SPTLC3: variants seen among roughly 807,000 people sequenced by gnomAD.
SPTLC3 encodes serine palmitoyltransferase 3.
A neutral mutation model predicts 59.3 loss-of-function variants in SPTLC3; 36 were observed. The ratio of observed to expected loss-of-function variants is 0.61; its 90% CI spans 0.47 to 0.80. The LOEUF (loss-of-function observed/expected upper bound fraction) is 0.80, where lower values mean the gene tolerates loss of function less well. Among genes scored for constraint, SPTLC3 ranks in the 30% least tolerant of loss-of-function variants. The pLI, the probability that SPTLC3 is intolerant of heterozygous loss-of-function variation, is 0.00. For synonymous variants in SPTLC3, 257 were observed against 240.8 expected, an observed-to-expected ratio of 1.07 and a Z score of -0.62; for missense variants, 625 against 685.1, an observed-to-expected ratio of 0.91 and a Z score of 0.98.
intron 10 of SPTLC3, among the ~76,000 whole-genome samples, chr20:13,158,289 C>T (rs2038819376): frequency 6.6e-6 from 1 of 152,086 alleles, no homozygotes. Context: ...ATAAAATTTC[C>T]AGTGCAATCA....
intron 7 of SPTLC3, among the ~76,000 whole-genome samples, chr20:13,112,490 A>G (rs1990289273): frequency 6.6e-6 from 1 of 152,204 alleles, no homozygotes. Context: ...CCGATTCAAA[A>G]GAAGGTGAAA....
At chr20:13,049,169 A>C (rs1406009706) in intron 2 of SPTLC3, 39 bp downstream of exon 2, 1 of 1,599,670 alleles carries the variant, frequency 6.3e-7, no homozygotes, top group South Asian at 1.1e-5. Context: ...GTCAATGCCT[A>C]CTCCTCTCTA....
At chr20:13,069,325 C>T (rs537913745) in intron 2 of SPTLC3, among the ~76,000 whole-genome samples, 13 of 152,126 alleles carry the variant, frequency 8.5e-5, no homozygotes, top group South Asian at 2.1e-4. Flanking sequence ...CCTCATGGGC[C>T]GAGTGGGTGT....
At chr20:13,045,441 A>G (rs1987189386) in intron 1 of SPTLC3, among the ~76,000 whole-genome samples, 1 of 152,234 alleles carries the variant, frequency 6.6e-6, no homozygotes, top group Non-Finnish European at 1.5e-5. Flanking sequence ...GAAATTTTAT[A>G]TTTCAAAATA....
intron 9 of SPTLC3, among the ~76,000 whole-genome samples, chr20:13,133,359 T>C (rs1341028068): frequency 6.6e-6 from 1 of 151,582 alleles, no homozygotes; most frequent in Non-Finnish European, 1.5e-5. Flanking sequence ...GAATCACTGC[T>C]GCATAATGAC....
intron 9 of SPTLC3, among the ~76,000 whole-genome samples, chr20:13,148,571 C>CCAAA (rs2038570898): frequency 6.6e-6 from 1 of 152,164 alleles, no homozygotes; most frequent in Non-Finnish European, 1.5e-5. Context: ...CAAGAGGCTA[C>CCAAA]CACATATGCC....
At chr20:13,137,316 G>A (rs954013183) in intron 9 of SPTLC3, among the ~76,000 whole-genome samples, 9 of 152,144 alleles carry the variant, frequency 5.9e-5, no homozygotes, top group Admixed American at 1.3e-4. Flanking sequence ...CTACTTGCAC[G>A]TTACACACTG....
intron 6 of SPTLC3, among the ~76,000 whole-genome samples, chr20:13,097,386 C>A (rs1473946648): frequency 6.6e-6 from 1 of 152,100 alleles, no homozygotes; most frequent in South Asian, 2.1e-4. Flanking sequence ...CCCAGCTAAA[C>A]TGGTTTTTCT....
chr20:13,143,582 G>A (rs1343479641), intron 9 of SPTLC3, among the ~76,000 whole-genome samples: 2 of 152,174 alleles, frequency 1.3e-5, no homozygotes, highest in African/African-American at 4.8e-5. Flanking sequence ...TGGCTGAGAA[G>A]TCATTGTCCT....
In SPTLC3 at chr20:13,160,842, G is replaced by C. The variant is rs965567611; in HGVS notation, c.1545+710G>C. Among the ~76,000 whole-genome samples, 4 of 152,324 alleles carry C rather than the reference G, an allele frequency of 2.6e-5. No homozygotes were observed. In the South Asian group the frequency reaches 8.3e-4, roughly 32 times the overall value. On this transcript the variant is annotated intron_variant, in intron 11 of 11. Transcript: ENST00000399002. The stretch of plus-strand genomic sequence containing the variant: ...TCTTGAAGAAGAAATATAGAAAACT[G>C]TGGGATCATGAAGGTGGGGTGAATT...
rs1196041762 is a variant in SPTLC3, at chr20:13,076,103, G to T, written c.607+1606G>T. 5.3e-5 allele frequency among the ~76,000 whole-genome samples: 8 copies of T among 152,072 alleles called. No homozygotes were observed. In the East Asian group the frequency reaches 1.5e-3, roughly 29 times the overall value. On this transcript the variant is annotated intron_variant, in intron 4 of 11. Transcript: ENST00000399002. ...TCTCCATGTCAAGTTCTAAGAAAAG[G>T]ACTTTAACATTTTTCAAGTAAATAG... is the stretch of plus-strand genomic sequence containing the variant.
chr20:13,068,296 C>T (rs1988304519), intron 2 of SPTLC3, among the ~76,000 whole-genome samples: 1 of 152,152 alleles, frequency 6.6e-6, no homozygotes, highest in African/African-American at 2.4e-5. Context: ...TATTTTCTAT[C>T]ATATCTAGCC....
At chr20:13,111,378 G>A (rs1314432216) in intron 7 of SPTLC3, among the ~76,000 whole-genome samples, 2 of 152,188 alleles carry the variant, frequency 1.3e-5, no homozygotes, top group Non-Finnish European at 2.9e-5. Context: ...CACATTTGGC[G>A]ATTTTCAGTC....
intron 9 of SPTLC3, among the ~76,000 whole-genome samples, chr20:13,140,816 T>C (rs945683385): frequency 3.9e-5 from 6 of 152,252 alleles, no homozygotes; most frequent in Non-Finnish European, 5.9e-5. Context: ...ACTTATAATG[T>C]ATGTGCACTG....
Position 13,074,407 on chromosome 20 carries a change from C to A in SPTLC3, c.517C>A (p.Leu173Ile). The part of the protein sequence containing the change: ...INMGSYNFLG[L>I]AAKYDESMRT... ...CATGGGCTCCTATAACTTCCTTGGT[C>A]TTGCAGCCAAGTATGATGAGTCTAT... Residue 173 changes from leucine to isoleucine, a missense_variant, in exon 4 of 12, where the codon CTT (leucine) becomes ATT (isoleucine). Coordinates refer to ENST00000399002, the MANE Select transcript of SPTLC3 (RefSeq NM_018327.4). 1 of 1,614,046 alleles carries A rather than the reference C, an allele frequency of 6.2e-7. No homozygotes were observed. Among genetic ancestry groups the A allele is most frequent in the South Asian group, 1.1e-5 (1 of 91,082 alleles).
chr20:13,141,790 T>C (rs1469847407), intron 9 of SPTLC3, among the ~76,000 whole-genome samples: 1 of 152,230 alleles, frequency 6.6e-6, no homozygotes, highest in African/African-American at 2.4e-5. Context: ...ATGTTGGTGC[T>C]ATGCTCCACT....
intron 1 of SPTLC3, among the ~76,000 whole-genome samples, chr20:13,028,081 G>T (rs1281356696): frequency 7.2e-5 from 11 of 152,188 alleles, no homozygotes; most frequent in Admixed American, 7.2e-4. Flanking sequence ...CAGAGGCATT[G>T]ATGACACGGT....
intron 9 of SPTLC3, among the ~76,000 whole-genome samples, chr20:13,144,626 C>T (rs977014753): frequency 2.6e-5 from 4 of 152,286 alleles, no homozygotes; most frequent in South Asian, 4.1e-4. Context: ...TCAACAAACA[C>T]TATATAATTT....
At chr20:13,149,313 A>C (rs147888785) in intron 9 of SPTLC3, among the ~76,000 whole-genome samples, 17 of 152,336 alleles carry the variant, frequency 1.1e-4, no homozygotes, top group Non-Finnish European at 1.3e-4. Context: ...CCATCCTAGC[A>C]TGGCTGTCCC....
Sources: allele counts gnomAD v4.1 joint callset (sites outside exome capture counted in the v4.1 genomes callset), GRCh38; gene constraint gnomAD v4.1.1; transcripts MANE v1.5; gene names NCBI Gene and HGNC (gene_info 2026-07-23, HGNC 2026-07-21).